The following COPA variants were observed in gnomAD, a reference collection of about 807,000 sequenced individuals.
COPA encodes coat protein complex I subunit alpha, also known as coatomer subunit alpha.
Under a neutral mutation model 158.7 loss-of-function variants are expected in COPA, and 10 were observed. The ratio of observed to expected loss-of-function variants is 0.06; its 90% CI spans 0.04 to 0.11. COPA has a LOEUF of 0.11. Among genes scored for constraint, COPA ranks in the 10% least tolerant of loss-of-function variants. COPA has a pLI of 1.00. For missense variants in COPA, 1,065 were observed against 1,536.7 expected (o/e 0.69, Z 5.13); for synonymous variants, 462 against 542.8 (o/e 0.85, Z 2.07).
At chr1:160,299,649 T>C (rs1040808227) in intron 17 of COPA, among the ~76,000 whole-genome samples, 1 of 152,084 alleles carries the variant, frequency 6.6e-6, no homozygotes, top group African/African-American at 2.4e-5. Context: ...AAAAACAAAG[T>C]ATTTTGAACT....
chr1:160,326,364 A>C (rs1659491356), intron 6 of COPA: 1 of 152,698 alleles, frequency 6.5e-6, no homozygotes, highest in African/African-American at 2.4e-5. Context: ...CCGTCTCTCC[A>C]AAAAATATAA....
intron 7 of COPA, 107 bp from the exon 8 acceptor site, chr1:160,323,637 G>A (rs143837279): frequency 3.8e-6 from 3 of 792,814 alleles, no homozygotes; most frequent in East Asian, 3.2e-5. Context: ...TATTCTTCAT[G>A]TGAACAGATT....
intron 9 of COPA, among the ~76,000 whole-genome samples, chr1:160,313,607 G>A (rs1026691973): frequency 6.6e-6 from 1 of 151,958 alleles, no homozygotes; most frequent in African/African-American, 2.4e-5. Context: ...GTAGAGACGG[G>A]GTTTCATTGT....
intron 8 of COPA, among the ~76,000 whole-genome samples, chr1:160,320,302 T>C (rs1246019589): frequency 6.6e-6 from 1 of 151,906 alleles, no homozygotes; most frequent in Non-Finnish European, 1.5e-5. Flanking sequence ...CCTAGACACA[T>C]ACAACCTACA....
intron 9 of COPA, among the ~76,000 whole-genome samples, chr1:160,313,649 C>G (rs564369206): frequency 6.6e-6 from 1 of 152,022 alleles, no homozygotes; most frequent in African/African-American, 2.4e-5. Flanking sequence ...CTCCTGACCT[C>G]GTGATCCACC....
At chr1:160,317,612 T>C in intron 8 of COPA, 2 of 1,553,810 alleles carry the variant, frequency 1.3e-6, no homozygotes, top group Non-Finnish European at 8.9e-7. Context: ...GGTCAGAGAA[T>C]TGCTGATAAT....
intron 1 of COPA, among the ~76,000 whole-genome samples, chr1:160,341,391 G>A (rs1648039151): frequency 6.6e-6 from 1 of 152,166 alleles, no homozygotes; most frequent in South Asian, 2.1e-4. Flanking sequence ...AGGGACAAAT[G>A]TACTACACTT....
At chr1:160,341,568 T>C (rs992452723) in intron 1 of COPA, among the ~76,000 whole-genome samples, 1 of 152,196 alleles carries the variant, frequency 6.6e-6, no homozygotes, top group Non-Finnish European at 1.5e-5. Context: ...TTAGTACATA[T>C]AGTTTAAATG....
At chr1:160,321,273 T>C (rs1054337048) in intron 8 of COPA, among the ~76,000 whole-genome samples, 9 of 152,208 alleles carry the variant, frequency 5.9e-5, no homozygotes, top group African/African-American at 9.6e-5. Flanking sequence ...GCCTTTTCTC[T>C]ACGGACCAGA....
At chr1:160,310,119 G>C in intron 12 of COPA, 73 bp downstream of exon 12, 1 of 878,436 alleles carries the variant, frequency 1.1e-6, no homozygotes, top group Non-Finnish European at 1.7e-6. Context: ...AGCCATTAAA[G>C]ATTCCCTAAG....
intron 1 of COPA, among the ~76,000 whole-genome samples, chr1:160,342,558 T>C (rs1648129842): frequency 1.3e-5 from 2 of 152,180 alleles, no homozygotes; most frequent in African/African-American, 4.8e-5. Context: ...TTTAACTGGG[T>C]ATCCTGCATT....
intron 3 of COPA, among the ~76,000 whole-genome samples, chr1:160,338,421 A>G (rs1647876400): frequency 6.6e-6 from 1 of 152,362 alleles, no homozygotes; most frequent in Non-Finnish European, 1.5e-5. Context: ...ATCACAATAT[A>G]TAACTTCTTG....
Position 160,317,496 on chromosome 1 carries a change from T to A in COPA, c.707-3371A>T, listed in dbSNP as rs1659187731. 2.5e-6 allele frequency: 4 copies of A among 1,608,916 alleles called. No homozygotes were observed. The African/African-American group carries it at 4.0e-5, about 16-fold the overall frequency. On this transcript the variant is annotated intron_variant, in intron 8 of 32. Transcript: ENST00000241704. ...TCAAAGTCATTGGACAGGATAGCAG[T>A]GAGATTCACTTCAAAGTGAAAATGA...
intron 3 of COPA, 89 bp from the exon 4 acceptor site, chr1:160,335,411 T>TA: frequency 9.9e-7 from 1 of 1,011,072 alleles, no homozygotes; most frequent in Non-Finnish European, 1.4e-6. Context: ...GAGATAGAAA[T>TA]ATGTATATAA....
chr1:160,314,729 T>G (rs1557868465), intron 8 of COPA, among the ~76,000 whole-genome samples: 1 of 152,226 alleles, frequency 6.6e-6, no homozygotes, highest in South Asian at 2.1e-4. Context: ...TTTTTGTTAT[T>G]TTTTCTTTTT....
At chr1:160,306,533 T>C (rs1557865064) in intron 14 of COPA, 40 bp from the exon 15 acceptor site, 1 of 1,610,342 alleles carries the variant, frequency 6.2e-7, no homozygotes. Context: ...AGAAGAAATG[T>C]GTATAGATGA....
At chr1:160,340,006 A>G in intron 2 of COPA, 24 bp from the exon 3 acceptor site, 4 of 1,612,206 alleles carry the variant, frequency 2.5e-6, no homozygotes, top group African/African-American at 2.7e-5. Context: ...CAGGCAATGT[A>G]TGTTAGACAG....
chr1:160,299,044 G>GA (rs916169255), intron 18 of COPA, 53 bp from the exon 19 acceptor site: 16,602 of 968,260 alleles, frequency 0.017, no homozygotes, highest in South Asian at 0.026. Flanking sequence ...TACAGGAAAA[G>GA]AAAAAAAAAA....
chr1:160,299,454 C>T (rs1042685313), intron 17 of COPA, among the ~76,000 whole-genome samples, 190 bp from the exon 18 acceptor site: 5 of 152,126 alleles, frequency 3.3e-5, no homozygotes, highest in Admixed American at 1.3e-4. Context: ...GTAGATGGCA[C>T]GATCTTTATA....
Sources: allele counts gnomAD v4.1 joint callset (sites outside exome capture counted in the v4.1 genomes callset), GRCh38; gene constraint gnomAD v4.1.1; transcripts MANE v1.5; gene names NCBI Gene and HGNC (gene_info 2026-07-23, HGNC 2026-07-21).